RASSF5: variants seen among roughly 807,000 people sequenced by gnomAD.
RASSF5 encodes the protein ras association domain-containing protein 5.
A neutral mutation model predicts 40.5 loss-of-function variants in RASSF5; 25 were observed. The ratio of observed to expected loss-of-function variants is 0.62; its 90% CI spans 0.45 to 0.86. RASSF5 has a LOEUF of 0.86. RASSF5 is among the 40% of genes least tolerant of loss of function. RASSF5 has a pLI of 0.00. For missense variants in RASSF5, 521 were observed against 572.8 expected, an observed-to-expected ratio of 0.91 and a Z score of 0.92; for synonymous variants, 246 against 252.4, an observed-to-expected ratio of 0.97 and a Z score of 0.24.
intron 2 of RASSF5, among the ~76,000 whole-genome samples, chr1:206,555,738 T>C (rs1553401677): frequency 6.6e-6 from 1 of 152,212 alleles, no homozygotes; most frequent in Non-Finnish European, 1.5e-5. Context: ...GTGCTGACTC[T>C]CAGCTCTCTT....
At chr1:206,539,400 G>C (rs1006549571) in intron 2 of RASSF5, among the ~76,000 whole-genome samples, 2 of 152,130 alleles carry the variant, frequency 1.3e-5, no homozygotes, top group Non-Finnish European at 1.5e-5. Flanking sequence ...CAGCCCCCCG[G>C]TCTCCAGAGT....
At chr1:206,525,265 G>A (rs1667070129) in intron 1 of RASSF5, among the ~76,000 whole-genome samples, 1 of 151,180 alleles carries the variant, frequency 6.6e-6, no homozygotes, top group South Asian at 2.1e-4. Flanking sequence ...TGCCCCTGCA[G>A]GCCAACCAGG....
At chr1:206,547,972 C>A (rs1019372050) in intron 2 of RASSF5, among the ~76,000 whole-genome samples, 1 of 151,998 alleles carries the variant, frequency 6.6e-6, no homozygotes, top group Non-Finnish European at 1.5e-5. Flanking sequence ...GTTTTTTCAA[C>A]TTTCCATGTC....
intron 2 of RASSF5, among the ~76,000 whole-genome samples, chr1:206,565,007 G>A (rs970171760): frequency 3.9e-5 from 6 of 151,956 alleles, no homozygotes; most frequent in African/African-American, 4.8e-5. Flanking sequence ...TACATCCCTC[G>A]CCCCACCTCT....
At chr1:206,529,122 T>C (rs9660538) in intron 1 of RASSF5, 71,334 of 1,489,002 alleles carry the variant, frequency 0.048, 3,634 homozygotes, top group African/African-American at 0.26. Flanking sequence ...CCTCTACAAG[T>C]GGCTGAAAGT....
intron 1 of RASSF5, among the ~76,000 whole-genome samples, chr1:206,517,880 GC>G (rs1666791234): frequency 6.6e-6 from 1 of 152,040 alleles, no homozygotes; most frequent in South Asian, 2.1e-4. Flanking sequence ...CTCCTTATGG[GC>G]CCCTCCCCCA....
intron 1 of RASSF5, among the ~76,000 whole-genome samples, chr1:206,533,629 C>T (rs1045353696): frequency 6.6e-5 from 10 of 152,016 alleles, no homozygotes; most frequent in African/African-American, 2.4e-4. Flanking sequence ...GTGGCACACA[C>T]CTGTAGTCCT....
rs142662079 is a variant in RASSF5 at position 206,578,526 on chromosome 1, T to C, written c.580-4743T>C. ...AGAGCTTGACAAATAAAGTGACTTC[T>C]GATGGGCAAACAGGTGTGAGATGAT... On this transcript the variant is annotated intron_variant, in intron 2 of 5. Coordinates refer to ENST00000579436, the MANE Select transcript of RASSF5 (RefSeq NM_182663.4). 3.9e-3 allele frequency among the ~76,000 whole-genome samples: 589 copies of C among 152,298 alleles called. 3 individuals are homozygous for C. Among genetic ancestry groups the C allele is most frequent in the Non-Finnish European group, 6.0e-3 (411 of 68,020 alleles).
intron 1 of RASSF5, chr1:206,518,526 G>A (rs781877141): frequency 3.6e-4 from 142 of 398,456 alleles, no homozygotes; most frequent in Non-Finnish European, 5.3e-4. Context: ...GTTCCGCAAC[G>A]GGGCCCGGAG....
chr1:206,544,474 A>G (rs1208005517), intron 2 of RASSF5: 45 of 152,182 alleles, frequency 3.0e-4, no homozygotes, highest in Admixed American at 2.7e-3. Flanking sequence ...AACACCAGAA[A>G]GTAGGGTTGT....
intron 2 of RASSF5, among the ~76,000 whole-genome samples, chr1:206,566,855 T>G (rs1019768168): frequency 6.6e-6 from 1 of 152,140 alleles, no homozygotes; most frequent in Non-Finnish European, 1.5e-5. Flanking sequence ...CCAGGGACCA[T>G]AGCTTGTTCA....
intron 1 of RASSF5, among the ~76,000 whole-genome samples, chr1:206,516,064 T>C (rs1461184364): frequency 6.6e-6 from 1 of 152,172 alleles, no homozygotes; most frequent in African/African-American, 2.4e-5. Flanking sequence ...AGGGTGATAA[T>C]ATATTGTACC....
intron 2 of RASSF5, among the ~76,000 whole-genome samples, chr1:206,576,566 A>C (rs572148020): frequency 2.0e-4 from 30 of 152,364 alleles, no homozygotes; most frequent in African/African-American, 6.5e-4. Flanking sequence ...AGTATGATTC[A>C]GGAGAAAGAG....
chr1:206,573,937 C>T (rs996947488), intron 2 of RASSF5, among the ~76,000 whole-genome samples: 1 of 152,240 alleles, frequency 6.6e-6, no homozygotes, highest in African/African-American at 2.4e-5. Context: ...CCACCTGTGG[C>T]CCAGCGTGCA....
intron 2 of RASSF5, among the ~76,000 whole-genome samples, chr1:206,558,024 A>T (rs2103539388): frequency 6.6e-6 from 1 of 152,282 alleles, no homozygotes; most frequent in South Asian, 2.1e-4. Flanking sequence ...CCCAAATCCT[A>T]GCTTAGAAGT....
intron 1 of RASSF5, among the ~76,000 whole-genome samples, chr1:206,536,969 C>A (rs551019696): frequency 3.3e-5 from 5 of 152,192 alleles, no homozygotes; most frequent in African/African-American, 1.2e-4. Context: ...ATTTTCCCTG[C>A]GGATGGACTT....
At chr1:206,562,909 G>A (rs1558513995) in intron 2 of RASSF5, among the ~76,000 whole-genome samples, 3 of 149,688 alleles carry the variant, frequency 2.0e-5, no homozygotes, top group South Asian at 2.1e-4. Context: ...GCGACAGAAC[G>A]AGTCTCTGTC....
Position 206,538,171 on chromosome 1 carries a change from G to T in RASSF5, c.458-1G>T. On this transcript the variant is annotated splice_acceptor_variant, in intron 1 of 5. Transcript: ENST00000579436. LOFTEE classifies it high-confidence loss of function. ...ATCTCCCTTTTGTTCTTTACCTCCA[G>T]ACTGTAAATTCACCTGTCACCCAGA... 6.2e-7 allele frequency: 1 copy of T among 1,614,176 alleles called. No homozygotes were observed. Among genetic ancestry groups the T allele is most frequent in the Middle Eastern group, 1.7e-4 (1 of 6,060 alleles).
intron 2 of RASSF5, chr1:206,543,848 G>A (rs1165418291): frequency 6.6e-6 from 1 of 152,108 alleles, no homozygotes; most frequent in Non-Finnish European, 1.5e-5. Flanking sequence ...CCGCCTCCTG[G>A]GTTCAAGAAA....
Sources: gnomAD v4.1 joint callset for allele counts (sites outside exome capture counted in the v4.1 genomes callset) on GRCh38, gnomAD v4.1.1 for gene constraint, MANE v1.5 for transcripts, NCBI Gene and HGNC (gene_info 2026-07-23, HGNC 2026-07-21) for gene names.